PCDHA7: variants seen among roughly 807,000 people sequenced by gnomAD.
PCDHA7 encodes protocadherin alpha 7.
A neutral mutation model predicts 57.2 loss-of-function variants in PCDHA7; 37 were observed. The ratio of observed to expected loss-of-function variants is 0.65; its 90% CI spans 0.50 to 0.85. PCDHA7 has a LOEUF of 0.85. PCDHA7 is among the 40% of genes least tolerant of loss of function. The pLI, the probability that PCDHA7 is intolerant of heterozygous loss-of-function variation, is 0.00. For missense variants in PCDHA7, 1,188 were observed against 1,241.8 expected, an observed-to-expected ratio of 0.96 and a Z score of 0.65; for synonymous variants, 553 against 558.8, an observed-to-expected ratio of 0.99 and a Z score of 0.15.
At chr5:140,969,284 G>T (rs782449740) in intron 1 of PCDHA7, 1 of 1,614,216 alleles carries the variant, frequency 6.2e-7, no homozygotes, top group Non-Finnish European at 8.5e-7. Flanking sequence ...TGGTCAGAAT[G>T]CTGGGAACCT....
intron 1 of PCDHA7, among the ~76,000 whole-genome samples, chr5:140,914,110 A>G (rs889499995): frequency 6.6e-6 from 1 of 152,168 alleles, no homozygotes; most frequent in Non-Finnish European, 1.5e-5. Flanking sequence ...GTGCAGATTA[A>G]GTCTGATGTT....
chr5:140,872,307 C>T (rs1329371918), intron 1 of PCDHA7, among the ~76,000 whole-genome samples: 2 of 152,046 alleles, frequency 1.3e-5, no homozygotes, highest in East Asian at 3.9e-4. Flanking sequence ...TTATATGCTG[C>T]TTTATGGAAA....
At chr5:140,837,117 T>C (rs1774919883) in intron 1 of PCDHA7, 1 of 157,306 alleles carries the variant, frequency 6.4e-6, no homozygotes, top group African/African-American at 2.4e-5. Flanking sequence ...ATATGTTACC[T>C]AATATTTTAT....
At chr5:140,990,900 G>C (rs1164287326) in intron 3 of PCDHA7, among the ~76,000 whole-genome samples, 1 of 152,114 alleles carries the variant, frequency 6.6e-6, no homozygotes, top group Non-Finnish European at 1.5e-5. Flanking sequence ...TCGTTGCTGG[G>C]TCAAGTTTTA....
Position 140,843,621 on chromosome 5 carries a change from C to T in PCDHA7, c.2355+6883C>T, listed in dbSNP as rs2150363692. On this transcript the variant is annotated intron_variant, in intron 1 of 3. Transcript: ENST00000525929. ...TGCTCTGGTGAGGGGCCACCGAAGA[C>T]GGACCTCATGGCCTTCAGCCCCTGC... The T allele has an allele frequency of 1.0e-5, 16 of 1,596,050 alleles. 1 individual carries two copies. The South Asian group carries it at 1.8e-4, about 18-fold the overall frequency.
chr5:140,836,169 G>T lies in PCDHA7; in HGVS notation c.1786G>T (p.Ala596Ser), dbSNP rs1386598071. 6.2e-7 allele frequency: 1 copy of T among 1,613,722 alleles called. No individual in the cohort carries two copies. Among genetic ancestry groups the T allele is most frequent in the East Asian group, 2.2e-5 (1 of 44,892 alleles). ...GAGHVVAKVRAVDADSGYNAW... is the reference protein window; with the variant it reads ...GAGHVVAKVRSVDADSGYNAW... The stretch of plus-strand genomic sequence containing the variant: ...GGGCCATGTGGTGGCGAAGGTACGT[G>T]CAGTTGACGCTGACTCAGGCTACAA... Residue 596 changes from alanine (A) to serine (S), a missense_variant, in exon 1 of 4, where the codon GCA (alanine) becomes TCA (serine). Ala to Ser is a moderately conservative substitution (Grantham distance 99). This residue lies in a region of PCDHA7 where 892 missense variants were observed against 788.5 expected (regional missense o/e 1.13). Transcript: ENST00000525929.
chr5:140,953,476 G>A (rs1554220931), intron 1 of PCDHA7, among the ~76,000 whole-genome samples: 2 of 152,088 alleles, frequency 1.3e-5, no homozygotes. Flanking sequence ...ACTTCCTCAT[G>A]CTGTGTCACA....
rs199809889 is a variant in PCDHA7, at chr5:140,883,348, A to C, written c.2355+46610A>C. On this transcript the variant is annotated intron_variant, in intron 1 of 3. Transcript: ENST00000525929. ...TCACTTCTTTGTCACTCCCCATCAGAGAAGACACTCAGCCTAGCGCCATTA... is the reference window on the plus strand; with the variant it reads ...TCACTTCTTTGTCACTCCCCATCAGCGAAGACACTCAGCCTAGCGCCATTA... The C allele has an allele frequency of 1.9e-6, 3 of 1,614,172 alleles. No homozygotes were observed. In the African/African-American group the frequency reaches 4.0e-5, roughly 22 times the overall value.
chr5:140,928,522 T>G lies in PCDHA7; in HGVS notation c.2356-50427T>G, dbSNP rs373009645. The G allele has an allele frequency of 4.3e-6, 7 of 1,614,150 alleles. No homozygotes were observed. Among genetic ancestry groups the G allele is most frequent in the African/African-American group, 1.3e-5 (1 of 75,032 alleles). On this transcript the variant is annotated intron_variant, in intron 1 of 3. Coordinates refer to ENST00000525929, the MANE Select transcript of PCDHA7 (RefSeq NM_018910.3). ...AAGTGCAACAGTGACTATAAACTTG[T>G]TTGTGGTAGATAGGAATGACAATTA...
intron 1 of PCDHA7, among the ~76,000 whole-genome samples, chr5:140,837,942 G>T (rs1554136705): frequency 2.0e-5 from 3 of 151,768 alleles, no homozygotes; most frequent in Admixed American, 1.3e-4. Flanking sequence ...GCCTCCCAAA[G>T]TATTGGGATT....
At chr5:140,899,494 T>C (rs1387191802) in intron 1 of PCDHA7, among the ~76,000 whole-genome samples, 3 of 152,250 alleles carry the variant, frequency 2.0e-5, no homozygotes, top group Admixed American at 2.0e-4. Flanking sequence ...GGATTACATT[T>C]ATTGATTTGC....
rs1307934746 is a variant in PCDHA7, at chr5:140,846,014, A to C, written c.2355+9276A>C. 1.3e-5 allele frequency among the ~76,000 whole-genome samples: 2 copies of C among 149,776 alleles called. 1 individual carries two copies. Among genetic ancestry groups the C allele is most frequent in the Non-Finnish European group, 3.0e-5 (2 of 66,864 alleles). On this transcript the variant is annotated intron_variant, in intron 1 of 3. Transcript: ENST00000525929. ...TGTGGTGGAATGAAAAAAATCTAAA[A>C]GTTATTACGAGTTTAGGAAAGTCAA...
At chr5:140,914,065 C>CTCCA (rs2076587155) in intron 1 of PCDHA7, among the ~76,000 whole-genome samples, 1 of 152,106 alleles carries the variant, frequency 6.6e-6, no homozygotes. Flanking sequence ...GGATGAAATG[C>CTCCA]TCCATAACTA....
chr5:140,904,139 A>G lies in PCDHA7; in HGVS notation c.2355+67401A>G, dbSNP rs557435150. On this transcript the variant is annotated intron_variant, in intron 1 of 3. Coordinates refer to ENST00000525929, the MANE Select transcript of PCDHA7 (RefSeq NM_018910.3). ...ATTTTGGTGCACCCATCACCCGAGCAGTATACATTGCACCCAGTTTGTAGT... is the reference window on the plus strand; with the variant it reads ...ATTTTGGTGCACCCATCACCCGAGCGGTATACATTGCACCCAGTTTGTAGT... Among the ~76,000 whole-genome samples, 4 of 152,286 alleles carry G rather than the reference A, an allele frequency of 2.6e-5. No homozygotes were observed. The East Asian group carries it at 7.7e-4, about 29-fold the overall frequency.
At position 140,835,493 on chromosome 5, in the gene PCDHA7, A is replaced by T. The variant is rs147393584; in HGVS notation, c.1110A>T (p.Thr370=). 1.9e-6 allele frequency: 3 copies of T among 1,613,914 alleles called. No homozygotes were observed. Among genetic ancestry groups the T allele is most frequent in the African/African-American group, 1.3e-5 (1 of 75,020 alleles). ...ACGCCCAACCAGGTACCGTCATCAC[A>T]TTGATTAGCGTGTTTGACCGAGATT... ...PEDAQPGTVI[T]LISVFDRDFG... Residue 370 remains threonine, a synonymous_variant, in exon 1 of 4, where the codon ACA becomes ACT. Coordinates refer to ENST00000525929, the MANE Select transcript of PCDHA7 (RefSeq NM_018910.3).
intron 1 of PCDHA7, among the ~76,000 whole-genome samples, chr5:140,926,207 C>A (rs1259453811): frequency 6.6e-6 from 1 of 152,074 alleles, no homozygotes; most frequent in Non-Finnish European, 1.5e-5. Flanking sequence ...TCGGGGGGCT[C>A]CTGTTTCCTT....
At chr5:140,874,516 G>A (rs1307179066) in intron 1 of PCDHA7, among the ~76,000 whole-genome samples, 4 of 152,210 alleles carry the variant, frequency 2.6e-5, no homozygotes, top group Non-Finnish European at 5.9e-5. Context: ...CTTGACTTTA[G>A]TCAATGAGAT....
chr5:140,902,650 G>C (rs868917041), intron 1 of PCDHA7, among the ~76,000 whole-genome samples: 5 of 152,138 alleles, frequency 3.3e-5, no homozygotes, highest in Admixed American at 1.3e-4. Context: ...AGATTTTGGT[G>C]CACCTGTCAC....
rs946669637 is a variant in PCDHA7, at chr5:140,923,020, G to C, written c.2356-55929G>C. On this transcript the variant is annotated intron_variant, in intron 1 of 3. Coordinates refer to ENST00000525929, the MANE Select transcript of PCDHA7 (RefSeq NM_018910.3). ...AGAATGGTTGTTGGACTGCAGTTTCGGACTCTATTACTACATGTATAGTAT... is the reference window on the plus strand; with the variant it reads ...AGAATGGTTGTTGGACTGCAGTTTCCGACTCTATTACTACATGTATAGTAT... Among the ~76,000 whole-genome samples the C allele has an allele frequency of 2.0e-5, 3 of 152,230 alleles. No homozygotes were observed. The East Asian group carries it at 5.8e-4, about 29-fold the overall frequency.
Sources: allele counts gnomAD v4.1 joint callset (sites outside exome capture counted in the v4.1 genomes callset), GRCh38; gene constraint gnomAD v4.1.1; regional missense constraint gnomAD v4.1.1; transcripts MANE v1.5; gene names NCBI Gene and HGNC (gene_info 2026-07-23, HGNC 2026-07-21).